The following MAP2 variants were observed in gnomAD, a reference collection of about 807,000 sequenced individuals.
The protein encoded by MAP2 is microtubule-associated protein 2.
Under a neutral mutation model 137.6 loss-of-function variants are expected in MAP2, and 14 were observed. That is an observed-to-expected ratio of 0.10 (90% CI 0.07 to 0.16). MAP2 has a LOEUF of 0.16. Among genes scored for constraint, MAP2 ranks in the 10% least tolerant of loss-of-function variants. The probability of loss-of-function intolerance (pLI) is 1.00; values close to 1 mark genes in which losing one functional copy is unlikely to be tolerated. For missense variants in MAP2, 2,088 were observed against 2,191.5 expected, an observed-to-expected ratio of 0.95 and a Z score of 0.94; for synonymous variants, 786 against 782.3, an observed-to-expected ratio of 1.00 and a Z score of -0.08.
In MAP2 at chr2:209,730,278, G is replaced by C. The variant is rs1379162108; in HGVS notation, c.5365G>C (p.Ala1789Pro). The C allele has an allele frequency of 1.9e-6, 3 of 1,613,952 alleles. No individual in the cohort carries two copies. The highest frequency in any genetic ancestry group is 2.2e-5 in the South Asian group (2 of 91,066). Reference protein sequence around the residue: ...ITQSPGRSSVASPRRLSNVSS... With the variant: ...ITQSPGRSSVPSPRRLSNVSS... ...ACAGTCCCCAGGCAGATCCAGCGTG[G>C]CATCACCCCGACGACTCAGCAATGT... The change falls in exon 16 of 16, where the codon GCA (alanine) becomes CCA (proline). Residue 1789 changes from alanine (A) to proline (P), a missense_variant. Around this residue, in one of 6 missense-constraint regions of MAP2, gnomAD observed 112 missense variants for 201.0 expected, o/e 0.56. Coordinates refer to ENST00000682079, the MANE Select transcript of MAP2 (RefSeq NM_001375505.1).
At chr2:209,720,943 A>ATT (rs112741660) in intron 13 of MAP2, among the ~76,000 whole-genome samples, 1 of 145,938 alleles carries the variant, frequency 6.9e-6, no homozygotes, top group African/African-American at 2.5e-5. Flanking sequence ...TAACTCTTTG[A>ATT]TTTTTTTTTT....
intron 3 of MAP2, among the ~76,000 whole-genome samples, chr2:209,600,331 A>C (rs75514525): frequency 0.01 from 1,599 of 152,326 alleles, 27 homozygotes; most frequent in African/African-American, 0.037. Flanking sequence ...TCTCAGGAGA[A>C]AAGCTGGCAG....
In MAP2 at chr2:209,511,714, G is replaced by GGTGTGT. The variant is rs578124966; in HGVS notation, c.-172+4075_-172+4080dup. ...GCCTCCTGATTAGCTTAGGAGTACA[G>GGTGTGT]GTGTGTGCCACCATTCCTGGCTATA... On this transcript the variant is annotated intron_variant, in intron 2 of 15. Transcript: ENST00000682079. Among the ~76,000 whole-genome samples, 134 of 152,086 alleles carry GGTGTGT rather than the reference G, an allele frequency of 8.8e-4. 1 individual carries two copies. Among genetic ancestry groups the GGTGTGT allele is most frequent in the African/African-American group, 3.1e-3 (129 of 41,514 alleles).
In MAP2 at chr2:209,693,819, T is replaced by C. The variant is rs570157143; in HGVS notation, c.1649T>C (p.Val550Ala). ...GATGACAAAGATAAGATTGAAGGAG[T>C]TGGAGCTGCAACATCAGCTGAGCTT... ...RVDDKDKIEG[V>A]GAATSAELDM... is the part of the protein sequence containing the mutation. Residue 550 changes from valine to alanine, a missense_variant, in exon 8 of 16, where the codon GTT becomes GCT. By Grantham distance (64) the Val-to-Ala change is moderately conservative. Coordinates refer to ENST00000682079, the MANE Select transcript of MAP2 (RefSeq NM_001375505.1). 1.9e-6 allele frequency: 3 copies of C among 1,613,732 alleles called. No homozygotes were observed. Among genetic ancestry groups the C allele is most frequent in the East Asian group, 2.2e-5 (1 of 44,870 alleles).
At chr2:209,512,014 T>C (rs1303520684) in intron 2 of MAP2, among the ~76,000 whole-genome samples, 1 of 152,136 alleles carries the variant, frequency 6.6e-6, no homozygotes, top group Non-Finnish European at 1.5e-5. Context: ...AATCTTTTCC[T>C]CTGGCTTAAC....
At chr2:209,660,987 G>A (rs904345728) in intron 5 of MAP2, among the ~76,000 whole-genome samples, 1 of 148,526 alleles carries the variant, frequency 6.7e-6, no homozygotes, top group Non-Finnish European at 1.5e-5. Context: ...CTCGTGATCC[G>A]CCCGCCTCGG....
chr2:209,695,359 T>C lies in MAP2; in HGVS notation c.3189T>C (p.Asp1063=). ...FGQMASGLNI[D]DRRATELKLE... is the part of the protein sequence containing the mutation. ...AGATGGCTTCAGGGCTAAACATAGA[T>C]GATAGAAGGGCAACAGAGCTAAAAC... The change falls in exon 8 of 16, where the codon GAT becomes GAC. Residue 1063 remains aspartate (D), a synonymous_variant. Transcript: ENST00000682079. 1 of 1,613,798 alleles carries C rather than the reference T, an allele frequency of 6.2e-7. No individual in the cohort carries two copies. The highest frequency in any genetic ancestry group is 8.5e-7 in the Non-Finnish European group (1 of 1,179,912).
intron 1 of MAP2, among the ~76,000 whole-genome samples, chr2:209,433,948 C>T (rs1258050979): frequency 6.6e-6 from 1 of 152,006 alleles, no homozygotes; most frequent in Non-Finnish European, 1.5e-5. Context: ...GGCTATTTCC[C>T]CACAGCAGAT....
intron 3 of MAP2, among the ~76,000 whole-genome samples, chr2:209,624,179 G>A (rs965160110): frequency 4.6e-5 from 7 of 152,246 alleles, no homozygotes; most frequent in South Asian, 2.1e-4. Context: ...CAGAGTTTGA[G>A]TCTGGGTTCC....
chr2:209,432,301 G>C (rs1694498171), intron 1 of MAP2, among the ~76,000 whole-genome samples: 1 of 152,038 alleles, frequency 6.6e-6, no homozygotes, highest in African/African-American at 2.4e-5. Context: ...GTGCCTTCCT[G>C]TTTCTCTGCC....
chr2:209,457,729 G>A (rs867127351), intron 1 of MAP2, among the ~76,000 whole-genome samples: 1 of 152,280 alleles, frequency 6.6e-6, no homozygotes, highest in Middle Eastern at 3.4e-3. Context: ...GAAAATGGGA[G>A]GATACATGAG....
rs1576518487 is a variant in MAP2, at chr2:209,504,190, G to A, written c.-221-3402G>A. Among the ~76,000 whole-genome samples, 5 of 151,866 alleles carry A rather than the reference G, an allele frequency of 3.3e-5. No homozygotes were observed. The East Asian group carries it at 7.7e-4, about 23-fold the overall frequency. ...AGGAGGAACACTGGAAGAGGGACAA[G>A]TAAGTTGGAATGTCTTTCCAGACAC... is the stretch of plus-strand genomic sequence containing the variant. On this transcript the variant is annotated intron_variant, in intron 1 of 15. Coordinates refer to ENST00000682079, the MANE Select transcript of MAP2 (RefSeq NM_001375505.1).
intron 1 of MAP2, among the ~76,000 whole-genome samples, chr2:209,428,923 T>TTTTATTTTA (rs1553535314): frequency 1.0e-4 from 15 of 146,430 alleles, no homozygotes; most frequent in Admixed American, 8.9e-4. Flanking sequence ...CTTTATTTTA[T>TTTTATTTTA]TTTATTTATT....
At chr2:209,669,713 A>G (rs913875376) in intron 5 of MAP2, among the ~76,000 whole-genome samples, 6 of 151,888 alleles carry the variant, frequency 4.0e-5, no homozygotes, top group Non-Finnish European at 8.8e-5. Flanking sequence ...TGAGGTATCC[A>G]TGTACAGATG....
In MAP2 at chr2:209,731,350, CA is replaced by C. The variant is rs2075750804; in HGVS notation, c.*959del. The C allele has an allele frequency of 6.6e-6, 1 of 152,402 alleles. No homozygotes were observed. The highest frequency in any genetic ancestry group is 1.9e-4 in the East Asian group (1 of 5,188). 9.4% of individuals were successfully genotyped at this position (152,402 alleles called of 1,614,324 possible). A position where few individuals can be genotyped will look rare whatever the true frequency, so the allele number is the denominator to read the frequency against. On this transcript the variant is annotated 3_prime_UTR_variant, in exon 16 of 16. Coordinates refer to ENST00000682079, the MANE Select transcript of MAP2 (RefSeq NM_001375505.1). ...TTTAAAAAAAATACATTAAAAAAGA[CA>C]AAAAATTTTAGCATGAAGTTGCTTT...
intron 3 of MAP2, among the ~76,000 whole-genome samples, chr2:209,586,791 G>A (rs563165267): frequency 6.6e-6 from 1 of 152,264 alleles, no homozygotes; most frequent in African/African-American, 2.4e-5. Context: ...TGGAGACCAT[G>A]CTTTGATTAG....
chr2:209,494,432 T>TAAAA (rs34659853), intron 1 of MAP2, among the ~76,000 whole-genome samples: 3,281 of 135,606 alleles, frequency 0.024, 42 homozygotes, highest in Non-Finnish European at 0.035. Flanking sequence ...AAAGTATAAT[T>TAAAA]AAAAAAAAAA....
At chr2:209,458,056 G>C (rs1202155497) in intron 1 of MAP2, among the ~76,000 whole-genome samples, 2 of 152,108 alleles carry the variant, frequency 1.3e-5, no homozygotes, top group Non-Finnish European at 2.9e-5. Context: ...TGAGCATTGG[G>C]ATAATACAAA....
chr2:209,653,462 C>T, intron 5 of MAP2, 30 bp downstream of exon 5: 2 of 1,549,932 alleles, frequency 1.3e-6, no homozygotes, highest in Non-Finnish European at 1.7e-6. Flanking sequence ...TCACCAAGTG[C>T]TTGCTTTGTG....
Sources: gnomAD v4.1 joint callset for allele counts (sites outside exome capture counted in the v4.1 genomes callset) on GRCh38, gnomAD v4.1.1 for gene constraint, gnomAD v4.1.1 regional missense constraint, MANE v1.5 for transcripts, NCBI Gene and HGNC (gene_info 2026-07-23, HGNC 2026-07-21) for gene names.